The following USH2A variants were observed in gnomAD, a reference collection of about 807,000 sequenced individuals.
USH2A encodes the protein Usher syndrome 2A (autosomal recessive, mild).
USH2A carries 443 observed loss-of-function variants against 538.9 expected under a neutral mutation model. The ratio of observed to expected loss-of-function variants is 0.82; its 90% CI spans 0.76 to 0.89. The LOEUF is 0.89. Among genes scored for constraint, USH2A ranks in the 40% least tolerant of loss-of-function variants. USH2A has a pLI of 0.00. For missense variants in USH2A, 6,633 were observed against 6,324.8 expected (o/e 1.05, Z -1.65); for synonymous variants, 2,413 against 2,273.5 (o/e 1.06, Z -1.75).
intron 15 of USH2A, 101 bp downstream of exon 15, chr1:216,217,286 A>G (rs2035361129): frequency 2.7e-6 from 4 of 1,470,844 alleles, no homozygotes; most frequent in Non-Finnish European, 3.7e-6. Flanking sequence ...ACATTGTACT[A>G]AGCCTTTCTG....
intron 21 of USH2A, among the ~76,000 whole-genome samples, chr1:216,120,851 A>C (rs1376267482): frequency 2.0e-5 from 3 of 152,056 alleles, no homozygotes; most frequent in Non-Finnish European, 4.4e-5. Context: ...ACTCCGTCTC[A>C]AAAAAGAAAA....
chr1:216,174,034 A>G, intron 21 of USH2A: 1 of 985,150 alleles, frequency 1.0e-6, no homozygotes, highest in South Asian at 4.7e-5. Context: ...ATTTTGATGT[A>G]CTGAGAGAGT....
intron 11 of USH2A, among the ~76,000 whole-genome samples, chr1:216,263,740 T>A (rs757004989): frequency 1.3e-5 from 2 of 152,116 alleles, no homozygotes; most frequent in Non-Finnish European, 2.9e-5. Context: ...CTACTCTTTA[T>A]TCAACCTAGA....
rs563775762 is a variant in USH2A at position 215,741,834 on chromosome 1, T to C, written c.11549-297A>G. On this transcript the variant is annotated intron_variant, in intron 59 of 71. Transcript: ENST00000307340. ...GAACTCAAGTTTCTCTAGTTTATTA[T>C]AGTCATTCTAACCAGAAAGTGATAA... Among the ~76,000 whole-genome samples, 14 of 152,324 alleles carry C rather than the reference T, an allele frequency of 9.2e-5. No individual in the cohort carries two copies. The South Asian group carries it at 1.5e-3, about 16-fold the overall frequency.
At chr1:215,724,769 TC>T (rs1445065774) in intron 61 of USH2A, among the ~76,000 whole-genome samples, 2 of 147,334 alleles carry the variant, frequency 1.4e-5, no homozygotes, top group Non-Finnish European at 3.0e-5. Flanking sequence ...AAGGGCCAAG[TC>T]TCACAGTAGA....
chr1:216,024,184 A>G (rs1668909669), intron 32 of USH2A, among the ~76,000 whole-genome samples: 1 of 152,142 alleles, frequency 6.6e-6, no homozygotes, highest in Non-Finnish European at 1.5e-5. Flanking sequence ...TGAAACAAAA[A>G]CAAAACAAAA....
At chr1:215,781,679 C>T (rs1487528108) in intron 54 of USH2A, among the ~76,000 whole-genome samples, 1 of 152,008 alleles carries the variant, frequency 6.6e-6, no homozygotes, top group African/African-American at 2.4e-5. Context: ...AATTTTTGTT[C>T]ATATCATATT....
intron 13 of USH2A, among the ~76,000 whole-genome samples, chr1:216,240,990 T>C (rs1181840493): frequency 1.3e-5 from 2 of 152,160 alleles, no homozygotes; most frequent in African/African-American, 4.8e-5. Context: ...GAGAGTTTTG[T>C]TTCCTAGAAA....
intron 3 of USH2A, among the ~76,000 whole-genome samples, chr1:216,396,015 C>G (rs1285494235): frequency 1.3e-5 from 2 of 152,144 alleles, no homozygotes; most frequent in Non-Finnish European, 1.5e-5. Context: ...TACACATACA[C>G]TAGTAGAGAT....
rs750015741 is a variant in USH2A at position 215,888,844 on chromosome 1, G to T, written c.7805C>A (p.Ala2602Asp). The part of the protein sequence containing the change: ...PYTAYKFQVE[A>D]CTSKGCSLSP... ...AAGGGAACATCCTTTTGAAGTGCAG[G>T]CTTCTACCTGAAACTTATAGGCAGT... The change falls in exon 41 of 72, where the codon GCC becomes GAC. Residue 2602 changes from alanine to aspartate, a missense_variant. Coordinates refer to ENST00000307340, the MANE Select transcript of USH2A (RefSeq NM_206933.4). 5 of 1,614,104 alleles carry T rather than the reference G, an allele frequency of 3.1e-6. No homozygotes were observed. The highest frequency in any genetic ancestry group is 1.1e-5 in the South Asian group (1 of 91,078).
chr1:215,776,205 C>A (rs749298739), intron 55 of USH2A, among the ~76,000 whole-genome samples: 1 of 152,162 alleles, frequency 6.6e-6, no homozygotes, highest in South Asian at 2.1e-4. Context: ...CTTTTATTGA[C>A]AAGCTGCCAT....
intron 3 of USH2A, among the ~76,000 whole-genome samples, chr1:216,380,449 G>C (rs2038906261): frequency 6.6e-6 from 1 of 152,258 alleles, no homozygotes; most frequent in Non-Finnish European, 1.5e-5. Flanking sequence ...AATGTGAAAG[G>C]AGGCCAGTGT....
chr1:216,182,278 A>G (rs980946408), intron 20 of USH2A, among the ~76,000 whole-genome samples: 6 of 152,074 alleles, frequency 3.9e-5, no homozygotes, highest in African/African-American at 7.2e-5. Context: ...TATTTTGCAT[A>G]GTAGAGTCTC....
chr1:215,696,321 T>C (rs1218317116), intron 61 of USH2A, among the ~76,000 whole-genome samples: 3 of 151,822 alleles, frequency 2.0e-5, no homozygotes, highest in Non-Finnish European at 4.4e-5. Flanking sequence ...GTCTTAGGAG[T>C]GGCAGAGGCA....
chr1:215,673,724 A>G (rs1468523150), intron 63 of USH2A, among the ~76,000 whole-genome samples: 1 of 152,222 alleles, frequency 6.6e-6, no homozygotes, highest in African/African-American at 2.4e-5. Context: ...TAACCTTAAA[A>G]TAATACATCA....
At chr1:215,996,703 C>T (rs2102480196) in intron 34 of USH2A, among the ~76,000 whole-genome samples, 1 of 148,926 alleles carries the variant, frequency 6.7e-6, no homozygotes. Context: ...AAATGATGTC[C>T]TTGGTGATCA....
At chr1:216,273,701 A>G (rs1558357041) in intron 11 of USH2A, among the ~76,000 whole-genome samples, 2 of 151,968 alleles carry the variant, frequency 1.3e-5, no homozygotes, top group African/African-American at 4.8e-5. Context: ...TTTTTAGGAG[A>G]TATTATCAAA....
At chr1:215,870,664 T>C (rs772232383) in intron 43 of USH2A, among the ~76,000 whole-genome samples, 6 of 152,080 alleles carry the variant, frequency 3.9e-5, no homozygotes, top group African/African-American at 4.8e-5. Context: ...TGAATTCCAA[T>C]CTGTATTTAG....
chr1:216,286,127 G>A (rs1319079283), intron 11 of USH2A, among the ~76,000 whole-genome samples: 1 of 152,048 alleles, frequency 6.6e-6, no homozygotes, highest in Non-Finnish European at 1.5e-5. Flanking sequence ...GATTTGGGAG[G>A]GGCCAAGTGT....
Sources: allele counts gnomAD v4.1 joint callset (sites outside exome capture counted in the v4.1 genomes callset), GRCh38; gene constraint gnomAD v4.1.1; transcripts MANE v1.5; gene names NCBI Gene and HGNC (gene_info 2026-07-23, HGNC 2026-07-21).